RNFT2: variants seen among roughly 807,000 people sequenced by gnomAD.
RNFT2 encodes the protein ring finger protein, transmembrane 2.
RNFT2 carries 36 observed loss-of-function variants against 53.0 expected under a neutral mutation model. The observed-to-expected ratio is 0.68, with a 90% confidence interval of 0.52 to 0.90. The LOEUF is 0.90. RNFT2 is among the 40% of genes least tolerant of loss of function. The probability of loss-of-function intolerance (pLI) is 0.00; values close to 1 mark genes in which losing one functional copy is unlikely to be tolerated. For missense variants in RNFT2, 514 were observed against 585.6 expected, an observed-to-expected ratio of 0.88 and a Z score of 1.26; for synonymous variants, 260 against 253.2, an observed-to-expected ratio of 1.03 and a Z score of -0.26.
intron 5 of RNFT2, among the ~76,000 whole-genome samples, chr12:116,765,785 A>G (rs145502729): frequency 6.3e-4 from 96 of 152,312 alleles, no homozygotes; most frequent in African/African-American, 2.2e-3. Flanking sequence ...AGAATTAGGT[A>G]TATAAGCTTG....
intron 6 of RNFT2, among the ~76,000 whole-genome samples, chr12:116,775,742 C>T (rs569489177): frequency 4.3e-4 from 66 of 152,262 alleles, no homozygotes; most frequent in Non-Finnish European, 7.6e-4. Context: ...GATTCTTTTA[C>T]GATTAAATAT....
At chr12:116,790,017 A>G (rs1002203230) in intron 7 of RNFT2, among the ~76,000 whole-genome samples, 1 of 151,770 alleles carries the variant, frequency 6.6e-6, no homozygotes, top group Non-Finnish European at 1.5e-5. Context: ...GTAATAACTC[A>G]CTACCTCCTC....
chr12:116,805,513 C>T (rs1875003272), intron 7 of RNFT2, among the ~76,000 whole-genome samples: 3 of 152,072 alleles, frequency 2.0e-5, no homozygotes, highest in Admixed American at 2.0e-4. Flanking sequence ...CTCTCTCTGT[C>T]GCCCAGGCTG....
chr12:116,757,472 T>C (rs1872554050), intron 5 of RNFT2, among the ~76,000 whole-genome samples: 2 of 152,154 alleles, frequency 1.3e-5, no homozygotes, highest in African/African-American at 4.8e-5. Flanking sequence ...CTATGAGCTT[T>C]CCTATTAGCA....
At chr12:116,750,861 AT>A (rs1566069441) in intron 4 of RNFT2, among the ~76,000 whole-genome samples, 15 of 9,398 alleles carry the variant, frequency 1.6e-3, no homozygotes, top group South Asian at 6.0e-3. Context: ...AATATATATT[AT>A]ATATATATAA....
Position 116,852,841 on chromosome 12 carries a change from A to C in RNFT2, c.*3393A>C. On this transcript the variant is annotated 3_prime_UTR_variant, in exon 11 of 11. Transcript: ENST00000257575. ...CGGAACCCAGTGTATTACCTGCTGGAACCAAGGAAACTAACAATGTAGGTT... is the reference window on the plus strand; with the variant it reads ...CGGAACCCAGTGTATTACCTGCTGGCACCAAGGAAACTAACAATGTAGGTT... 1.2e-6 allele frequency: 1 copy of C among 819,640 alleles called. No homozygotes were observed. 50.8% of individuals were successfully genotyped at this position (819,640 alleles called of 1,614,324 possible).
intron 7 of RNFT2, among the ~76,000 whole-genome samples, chr12:116,820,649 A>G (rs898631185): frequency 1.3e-5 from 2 of 151,808 alleles, no homozygotes; most frequent in African/African-American, 4.8e-5. Context: ...TTTATCTCCT[A>G]AGGTCTCCTA....
At chr12:116,813,154 T>A (rs1379411314) in intron 7 of RNFT2, among the ~76,000 whole-genome samples, 1 of 151,842 alleles carries the variant, frequency 6.6e-6, no homozygotes, top group Non-Finnish European at 1.5e-5. Flanking sequence ...AGACAGGGTT[T>A]TGCCATGTTA....
chr12:116,794,623 GGAAGA>G (rs1016245185), intron 7 of RNFT2, among the ~76,000 whole-genome samples: 11 of 138,074 alleles, frequency 8.0e-5, no homozygotes, highest in Non-Finnish European at 1.6e-4. Flanking sequence ...GGAAAGAAAG[GGAAGA>G]GAAGGGGAGG....
chr12:116,806,108 C>T (rs1875037150), intron 7 of RNFT2, among the ~76,000 whole-genome samples: 1 of 152,218 alleles, frequency 6.6e-6, no homozygotes, highest in South Asian at 2.1e-4. Flanking sequence ...TGGCTGGGTG[C>T]TGAGGCTCAT....
intron 7 of RNFT2, among the ~76,000 whole-genome samples, chr12:116,812,201 G>A (rs1875413863): frequency 6.6e-6 from 1 of 152,188 alleles, no homozygotes; most frequent in Non-Finnish European, 1.5e-5. Flanking sequence ...AAGACAGAGG[G>A]AGATGGCACC....
intron 10 of RNFT2, among the ~76,000 whole-genome samples, chr12:116,845,994 A>G (rs1352464718): frequency 6.6e-6 from 1 of 152,110 alleles, no homozygotes; most frequent in African/African-American, 2.4e-5. Flanking sequence ...CCCCACCTCC[A>G]GGAAACCTTC....
chr12:116,809,585 G>A (rs532620166), intron 7 of RNFT2, among the ~76,000 whole-genome samples: 12 of 152,296 alleles, frequency 7.9e-5, no homozygotes, highest in South Asian at 4.1e-4. Context: ...GTCAGTTCCC[G>A]ATTCAGACAT....
In RNFT2 at chr12:116,849,442, G is replaced by A. The variant is rs779502917; in HGVS notation, c.1329G>A (p.Val443=). The A allele has an allele frequency of 3.8e-6, 6 of 1,590,220 alleles. 1 individual carries two copies. Among genetic ancestry groups the A allele is most frequent in the South Asian group, 3.4e-5 (3 of 88,356 alleles). The part of the protein sequence containing the change: ...KDGATSAHFQ[V]Y ...GCGCCACGTCCGCACACTTCCAGGT[G>A]TACTAGGACCGAACACTGAGGACAC... The change falls in exon 11 of 11, where the codon GTG becomes GTA. Residue 443 remains valine, a synonymous_variant. Coordinates refer to ENST00000257575, the MANE Select transcript of RNFT2 (RefSeq NM_001382266.1).
chr12:116,766,789 C>T (rs1872932656), intron 5 of RNFT2, 25 bp from the exon 6 acceptor site: 2 of 1,544,080 alleles, frequency 1.3e-6, no homozygotes, highest in Non-Finnish European at 8.8e-7. Context: ...CCTTTGATAT[C>T]ACATATCTCT....
intron 7 of RNFT2, among the ~76,000 whole-genome samples, chr12:116,780,776 C>T (rs369739801): frequency 2.6e-5 from 4 of 152,020 alleles, no homozygotes; most frequent in Admixed American, 6.6e-5. Flanking sequence ...CCATGAATGA[C>T]GAGGACCTTT....
intron 10 of RNFT2, among the ~76,000 whole-genome samples, chr12:116,848,485 A>T (rs1041300663): frequency 2.0e-5 from 3 of 151,772 alleles, no homozygotes; most frequent in African/African-American, 4.8e-5. Flanking sequence ...AGAGCCAAAG[A>T]CCTCACAATG....
At chr12:116,779,055 C>A in intron 6 of RNFT2, 140 bp from the exon 7 acceptor site, 1 of 865,860 alleles carries the variant, frequency 1.2e-6, no homozygotes, top group Non-Finnish European at 1.8e-6. Context: ...GTAGCAGATT[C>A]AGGAAAAGGA....
Position 116,851,087 on chromosome 12 carries a change from G to C in RNFT2, c.*1639G>C, listed in dbSNP as rs947841062. The C allele has an allele frequency of 6.6e-6, 1 of 152,220 alleles. No homozygotes were observed. Among genetic ancestry groups the C allele is most frequent in the South Asian group, 2.1e-4 (1 of 4,818 alleles). The allele number at this position is 152,220 out of a possible 1,614,324, so 9.4% of individuals were successfully genotyped here. A position where few individuals can be genotyped will look rare whatever the true frequency, so the allele number is the denominator to read the frequency against. On this transcript the variant is annotated 3_prime_UTR_variant, in exon 11 of 11. Coordinates refer to ENST00000257575, the MANE Select transcript of RNFT2 (RefSeq NM_001382266.1). ...ACAGCCCTGTGATGGGGGAGGTACTGTTGGGTCCCCTGTTTTATAGATGAG... is the reference window on the plus strand; with the variant it reads ...ACAGCCCTGTGATGGGGGAGGTACTCTTGGGTCCCCTGTTTTATAGATGAG...
Sources: allele counts gnomAD v4.1 joint callset (sites outside exome capture counted in the v4.1 genomes callset), GRCh38; gene constraint gnomAD v4.1.1; transcripts MANE v1.5; gene names NCBI Gene and HGNC (gene_info 2026-07-23, HGNC 2026-07-21).